Variants in DHX9 observed in about 807,000 individuals in gnomAD.
The protein encoded by DHX9 is DExH-box helicase 9, also known as ATP-dependent RNA helicase A.
A neutral mutation model predicts 148.7 loss-of-function variants in DHX9; 27 were observed. That is an observed-to-expected ratio of 0.18 (90% CI 0.13 to 0.25). The LOEUF (loss-of-function observed/expected upper bound fraction) is 0.25, where lower values mean the gene tolerates loss of function less well. Among genes scored for constraint, DHX9 ranks in the 10% least tolerant of loss-of-function variants. The pLI is 1.00. For synonymous variants in DHX9, 529 were observed against 516.6 expected (o/e 1.02, Z -0.33); for missense variants, 796 against 1,559.6 (o/e 0.51, Z 8.25).
At chr1:182,885,816 A>T (rs1163443764) in intron 27 of DHX9, among the ~76,000 whole-genome samples, 2 of 152,262 alleles carry the variant, frequency 1.3e-5, no homozygotes, top group African/African-American at 4.8e-5. Context: ...CTAGGTGGTT[A>T]AATGCATAGA....
Position 182,866,592 on chromosome 1 carries a change from A to G in DHX9, c.1474+7A>G, listed in dbSNP as rs376890641. The G allele has an allele frequency of 1.2e-6, 2 of 1,607,154 alleles. No homozygotes were observed. Among genetic ancestry groups the G allele is most frequent in the African/African-American group, 1.3e-5 (1 of 74,782 alleles). On this transcript the variant is annotated splice_region_variant and intron_variant, in intron 13 of 27. Transcript: ENST00000367549. The stretch of plus-strand genomic sequence containing the variant: ...ATAATGTTTTGTACTGTAGGTCAGT[A>G]ATGTATTTTGATTTTTCATTTGGGG...
Position 182,867,137 on chromosome 1 carries a change from A to G in DHX9, c.1557+94A>G, listed in dbSNP as rs1052382411. 3.1e-5 allele frequency: 23 copies of G among 744,244 alleles called. No homozygotes were observed. In the African/African-American group the frequency reaches 3.8e-4, roughly 12 times the overall value. The allele number at this position is 744,244 out of a possible 1,614,324, so 46.1% of individuals were successfully genotyped here. A position where few individuals can be genotyped will look rare whatever the true frequency, so the allele number is the denominator to read the frequency against. On this transcript the variant is annotated intron_variant, in intron 14 of 27. Transcript: ENST00000367549. ...TTTGTTTTCCCTTTCCCCCGTTTTTATCATTATCAAAACCATGAACTTCAG... is the reference window on the plus strand; with the variant it reads ...TTTGTTTTCCCTTTCCCCCGTTTTTGTCATTATCAAAACCATGAACTTCAG...
At chr1:182,884,888 A>G (rs1649254936) in intron 27 of DHX9, 75 bp downstream of exon 27, 2 of 1,389,788 alleles carry the variant, frequency 1.4e-6, no homozygotes, top group South Asian at 1.2e-5. Context: ...TCCTGAAGTT[A>G]GTGATAGAAG....
intron 15 of DHX9, among the ~76,000 whole-genome samples, chr1:182,873,590 T>C (rs1401243945): frequency 6.6e-6 from 1 of 152,176 alleles, no homozygotes; most frequent in African/African-American, 2.4e-5. Context: ...TGTTACTGGA[T>C]TATACTCAAA....
In DHX9 at chr1:182,872,533, A is replaced by G. The variant is rs185255257; in HGVS notation, c.1714+40A>G. ...GTGGTATAGGAACATCTTTTGTGCA[A>G]TAGGGTTTGTATTTTCTTAATCCTG... On this transcript the variant is annotated intron_variant, in intron 15 of 27. Transcript: ENST00000367549. 6.6e-4 allele frequency: 1,045 copies of G among 1,580,368 alleles called. 1 individual carries two copies. Among genetic ancestry groups the G allele is most frequent in the Non-Finnish European group, 8.6e-4 (996 of 1,162,834 alleles).
chr1:182,840,741 A>G lies in DHX9; in HGVS notation c.-23+1285A>G, dbSNP rs548495159. ...TAAAATAGTTCCATTTAGATGATCT[A>G]TTATGGATATTGTTTGACACACATT... On this transcript the variant is annotated intron_variant, in intron 1 of 27. Transcript: ENST00000367549. 1.2e-3 allele frequency among the ~76,000 whole-genome samples: 186 copies of G among 152,302 alleles called. 1 individual carries two copies. The highest frequency in any genetic ancestry group is 3.5e-3 in the African/African-American group (145 of 41,552).
chr1:182,853,537 T>C (rs1668197780), intron 5 of DHX9, 119 bp downstream of exon 5: 5 of 673,404 alleles, frequency 7.4e-6, no homozygotes, highest in Non-Finnish European at 1.3e-5. Context: ...AAGAGGTTAT[T>C]TGAGACTACT....
intron 12 of DHX9, among the ~76,000 whole-genome samples, chr1:182,861,318 CTT>C (rs1410968921): frequency 6.6e-6 from 1 of 152,094 alleles, no homozygotes; most frequent in African/African-American, 2.4e-5. Flanking sequence ...ACAAAATTTT[CTT>C]TGATTTTCCG....
chr1:182,860,162 AGT>A lies in DHX9; in HGVS notation c.1313_1314del (p.Cys438Ter). On this transcript the variant is annotated frameshift_variant, in exon 12 of 28. Coordinates refer to ENST00000367549, the MANE Select transcript of DHX9 (RefSeq NM_001357.5). LOFTEE classifies it high-confidence loss of function. Reference sequence around the variant, plus strand: ...TTTATCCAGAATGACCGAGCAGCAGAGTGTAACATCGTAGTAACTCAGGTAAG... The same window carrying A: ...TTTATCCAGAATGACCGAGCAGCAGAGTAACATCGTAGTAACTCAGGTAAG... 1 of 1,606,274 alleles carries A rather than the reference AGT, an allele frequency of 6.2e-7. No individual in the cohort carries two copies. The highest frequency in any genetic ancestry group is 8.5e-7 in the Non-Finnish European group (1 of 1,176,836).
intron 14 of DHX9, among the ~76,000 whole-genome samples, chr1:182,870,689 T>A (rs1197382141): frequency 6.6e-6 from 1 of 152,100 alleles, no homozygotes; most frequent in Non-Finnish European, 1.5e-5. Context: ...CATGAAAGAG[T>A]TTTTCATACA....
Position 182,874,860 on chromosome 1 carries a change from T to C in DHX9, c.1721T>C (p.Phe574Ser). The change falls in exon 16 of 28, where the codon TTT becomes TCT. Residue 574 changes from phenylalanine to serine, a missense_variant. Around this residue, in one of 14 missense-constraint regions of DHX9, gnomAD observed 133 missense variants for 223.8 expected, o/e 0.59. Coordinates refer to ENST00000367549, the MANE Select transcript of DHX9 (RefSeq NM_001357.5). ...YGRTYPVQEY[F>S]LEDCIQMTHF... ...ACTGGATTGTCCCTGGCAGAATATT[T>C]TCTGGAAGACTGCATTCAGATGACC... 6.2e-7 allele frequency: 1 copy of C among 1,610,624 alleles called. No individual in the cohort carries two copies. The highest frequency in any genetic ancestry group is 8.5e-7 in the Non-Finnish European group (1 of 1,177,952).
chr1:182,879,846 C>T (rs892789242), intron 21 of DHX9, among the ~76,000 whole-genome samples: 1 of 151,856 alleles, frequency 6.6e-6, no homozygotes. Context: ...CTGCCTCAGC[C>T]TCCCGAGTAG....
intron 12 of DHX9, among the ~76,000 whole-genome samples, chr1:182,863,113 T>C (rs181660334): frequency 3.3e-5 from 5 of 152,322 alleles, no homozygotes; most frequent in East Asian, 3.9e-4. Context: ...TGGAAAAATA[T>C]TATCCTTTGC....
In DHX9 at chr1:182,859,137, A is replaced by G. The variant is rs778837594; in HGVS notation, c.1140+20A>G. The G allele has an allele frequency of 1.9e-6, 3 of 1,603,092 alleles. No homozygotes were observed. The highest frequency in any genetic ancestry group is 2.6e-6 in the Non-Finnish European group (3 of 1,170,242). ...CAAGCAGTAAGTCTGAATTATTTAGACAAGTAGTGCTCAGAGCTTCAGAAT... is the reference window on the plus strand; with the variant it reads ...CAAGCAGTAAGTCTGAATTATTTAGGCAAGTAGTGCTCAGAGCTTCAGAAT... On this transcript the variant is annotated intron_variant, in intron 11 of 27. Transcript: ENST00000367549.
At chr1:182,849,873 C>T (rs902188681) in intron 3 of DHX9, among the ~76,000 whole-genome samples, 1 of 151,628 alleles carries the variant, frequency 6.6e-6, no homozygotes, top group Admixed American at 6.6e-5. Flanking sequence ...AACTCCTTAC[C>T]TGTGATGTGT....
At chr1:182,841,196 C>A (rs1004337555) in intron 1 of DHX9, among the ~76,000 whole-genome samples, 4 of 151,944 alleles carry the variant, frequency 2.6e-5, no homozygotes, top group Non-Finnish European at 5.9e-5. Context: ...GAGGCTGAGG[C>A]AGGAGAATCG....
chr1:182,876,695 T>A (rs1348216159), intron 18 of DHX9, 135 bp from the exon 19 acceptor site: 26 of 910,566 alleles, frequency 2.9e-5, no homozygotes, highest in Non-Finnish European at 4.2e-5. Flanking sequence ...AGATTGTTGT[T>A]CATTAATCAG....
intron 11 of DHX9, 37 bp downstream of exon 11, chr1:182,859,154 CT>C: frequency 6.3e-7 from 1 of 1,577,664 alleles, no homozygotes; most frequent in East Asian, 2.2e-5. Flanking sequence ...GTGCTCAGAG[CT>C]TCAGAATGTT....
At chr1:182,858,492 C>T (rs1317287793) in intron 8 of DHX9, 59 bp from the exon 9 acceptor site, 3 of 1,428,996 alleles carry the variant, frequency 2.1e-6, no homozygotes, top group Non-Finnish European at 2.9e-6. Context: ...ACTGTATAGT[C>T]TTAGCCCCAT....
Sources: gnomAD v4.1 joint callset for allele counts (sites outside exome capture counted in the v4.1 genomes callset) on GRCh38, gnomAD v4.1.1 for gene constraint, gnomAD v4.1.1 regional missense constraint, MANE v1.5 for transcripts, NCBI Gene and HGNC (gene_info 2026-07-23, HGNC 2026-07-21) for gene names.